The following PIK3C3 variants were observed in gnomAD, a reference collection of about 807,000 sequenced individuals.
PIK3C3 encodes phosphatidylinositol 3-kinase catalytic subunit type 3, also known as PI3-kinase type 3.
In PIK3C3, 95 loss-of-function variants were observed where a neutral mutation model predicts 126.1. That is an observed-to-expected ratio of 0.75 (90% CI 0.64 to 0.89). The LOEUF (loss-of-function observed/expected upper bound fraction) is 0.89. Among genes scored for constraint, PIK3C3 ranks in the 40% least tolerant of loss-of-function variants. The pLI is 0.00. For missense variants in PIK3C3, 829 were observed against 1,063.2 expected, an observed-to-expected ratio of 0.78 and a Z score of 3.06; for synonymous variants, 374 against 360.0, an observed-to-expected ratio of 1.04 and a Z score of -0.44.
chr18:42,048,659 G>GCTTTTGGA (rs1366325332), intron 20 of PIK3C3, among the ~76,000 whole-genome samples: 1 of 152,100 alleles, frequency 6.6e-6, no homozygotes, highest in East Asian at 1.9e-4. Flanking sequence ...TGCTTAAGTT[G>GCTTTTGGA]CTTTTGGACT....
intron 3 of PIK3C3, among the ~76,000 whole-genome samples, chr18:41,965,540 C>T (rs1980314764): frequency 6.6e-6 from 1 of 152,094 alleles, no homozygotes; most frequent in South Asian, 2.1e-4. Context: ...AAAGCATCTT[C>T]CTGGGTTCTC....
At chr18:41,960,611 A>G (rs1174889294) in intron 2 of PIK3C3, among the ~76,000 whole-genome samples, 8 of 152,098 alleles carry the variant, frequency 5.3e-5, no homozygotes, top group African/African-American at 7.2e-5. Context: ...TGGGGTAGGG[A>G]TGATTCGTGA....
At chr18:42,057,850 C>G (rs764146778) in intron 21 of PIK3C3, 33 bp from the exon 22 acceptor site, 2 of 1,605,314 alleles carry the variant, frequency 1.2e-6, no homozygotes, top group Non-Finnish European at 1.7e-6. Context: ...TAAGATAATT[C>G]TGGAAACAAA....
At chr18:41,997,008 A>G (rs189256016) in intron 9 of PIK3C3, among the ~76,000 whole-genome samples, 177 of 152,178 alleles carry the variant, frequency 1.2e-3, no homozygotes, top group African/African-American at 3.8e-3. Flanking sequence ...GTTTGGTAGG[A>G]TGAGGCAACT....
At chr18:42,044,823 T>G (rs1984491017) in intron 20 of PIK3C3, among the ~76,000 whole-genome samples, 1 of 152,210 alleles carries the variant, frequency 6.6e-6, no homozygotes, top group African/African-American at 2.4e-5. Context: ...GGATGTATGA[T>G]GTGTTATAAC....
intron 24 of PIK3C3, among the ~76,000 whole-genome samples, chr18:42,070,282 A>G (rs1985720698): frequency 6.6e-6 from 1 of 152,228 alleles, no homozygotes; most frequent in Admixed American, 6.5e-5. Flanking sequence ...AGAGTTGCAT[A>G]TGCAGAAAAG....
In PIK3C3 at chr18:41,959,894, C is replaced by G. The variant is rs186095209; in HGVS notation, c.257+2136C>G. ...AAAGTTGAATTTATTGGTAGTTCAT[C>G]AAAACAAAAATTGCCATCCTAAAGT... On this transcript the variant is annotated intron_variant, in intron 2 of 24. Transcript: ENST00000262039. Among the ~76,000 whole-genome samples the G allele has an allele frequency of 5.2e-3, 793 of 152,238 alleles. 6 individuals carry two copies. The highest frequency in any genetic ancestry group is 7.7e-3 in the Non-Finnish European group (522 of 67,984).
At chr18:42,047,348 A>T (rs1415131024) in intron 20 of PIK3C3, among the ~76,000 whole-genome samples, 1 of 152,180 alleles carries the variant, frequency 6.6e-6, no homozygotes, top group Non-Finnish European at 1.5e-5. Flanking sequence ...TCTACGAATC[A>T]CATGTTAGAG....
At position 42,023,486 on chromosome 18, in the gene PIK3C3, T is replaced by A. The variant is rs551644191; in HGVS notation, c.1484+2781T>A. On this transcript the variant is annotated intron_variant, in intron 13 of 24. Transcript: ENST00000262039. ...ACATTCAATCAAACTTAGATTTGAT[T>A]TGTGTTTTCCCACTATATCTCTGAT... Among the ~76,000 whole-genome samples the A allele has an allele frequency of 1.0e-3, 152 of 152,358 alleles. 1 individual carries two copies. The highest frequency in any genetic ancestry group is 3.4e-3 in the African/African-American group (140 of 41,598).
At chr18:41,994,059 G>A (rs1981910853) in intron 7 of PIK3C3, among the ~76,000 whole-genome samples, 1 of 152,042 alleles carries the variant, frequency 6.6e-6, no homozygotes, top group Non-Finnish European at 1.5e-5. Flanking sequence ...AATTAGATTA[G>A]TTACCTTCCT....
intron 21 of PIK3C3, among the ~76,000 whole-genome samples, chr18:42,054,154 AT>A (rs1984941656): frequency 3.0e-5 from 1 of 33,520 alleles, no homozygotes; most frequent in African/African-American, 1.8e-4. Flanking sequence ...ATATATATAT[AT>A]ATATATATAT....
chr18:41,974,937 C>G (rs541106230), intron 4 of PIK3C3, among the ~76,000 whole-genome samples: 60 of 152,308 alleles, frequency 3.9e-4, no homozygotes, highest in African/African-American at 1.3e-3. Flanking sequence ...TTTAGCAGCT[C>G]TGCTTGATGC....
At chr18:41,994,556 A>G (rs1167382943) in intron 7 of PIK3C3, among the ~76,000 whole-genome samples, 1 of 152,204 alleles carries the variant, frequency 6.6e-6, no homozygotes, top group African/African-American at 2.4e-5. Flanking sequence ...CTGGTTGAAC[A>G]GAATTAAAAG....
intron 1 of PIK3C3, among the ~76,000 whole-genome samples, chr18:41,957,066 G>T (rs1474717747): frequency 3.3e-5 from 5 of 152,128 alleles, no homozygotes; most frequent in Non-Finnish European, 4.4e-5. Flanking sequence ...ATAAAAACAT[G>T]CAGTTAAAAG....
chr18:42,041,639 A>G (rs759033120), intron 19 of PIK3C3, among the ~76,000 whole-genome samples: 9 of 151,214 alleles, frequency 6.0e-5, no homozygotes, highest in Non-Finnish European at 5.9e-5. Flanking sequence ...TACACCTGAG[A>G]TGAAAGATAA....
intron 9 of PIK3C3, among the ~76,000 whole-genome samples, chr18:42,001,312 TA>T (rs1372738781): frequency 6.6e-6 from 1 of 152,238 alleles, no homozygotes; most frequent in Non-Finnish European, 1.5e-5. Context: ...AAAGGTCTCT[TA>T]AAAGTTAATG....
chr18:42,025,002 C>T (rs999147677), intron 13 of PIK3C3, among the ~76,000 whole-genome samples: 19 of 151,668 alleles, frequency 1.3e-4, no homozygotes, highest in Admixed American at 8.5e-4. Flanking sequence ...ATAGTAGAGA[C>T]GGGGTTTCAC....
intron 4 of PIK3C3, among the ~76,000 whole-genome samples, chr18:41,980,708 T>A (rs1598863531): frequency 6.6e-6 from 1 of 151,862 alleles, no homozygotes; most frequent in African/African-American, 2.4e-5. Flanking sequence ...TAATAATGAC[T>A]ATAGTAAAAA....
At chr18:42,066,038 G>C (rs1306016719) in intron 23 of PIK3C3, among the ~76,000 whole-genome samples, 1 of 152,106 alleles carries the variant, frequency 6.6e-6, no homozygotes, top group Non-Finnish European at 1.5e-5. Flanking sequence ...CTTAAAAATA[G>C]TTCCAAAATT....
Sources: allele counts gnomAD v4.1 joint callset (sites outside exome capture counted in the v4.1 genomes callset), GRCh38; gene constraint gnomAD v4.1.1; transcripts MANE v1.5; gene names NCBI Gene and HGNC (gene_info 2026-07-23, HGNC 2026-07-21).